The following MDGA2 variants were observed in gnomAD, a reference collection of about 807,000 sequenced individuals.
MDGA2 encodes MAM domain containing glycosylphosphatidylinositol anchor 2.
MDGA2 carries 40 observed loss-of-function variants against 117.8 expected under a neutral mutation model. That is an observed-to-expected ratio of 0.34 (90% CI 0.26 to 0.44). The LOEUF (loss-of-function observed/expected upper bound fraction) is 0.44, where lower values mean the gene tolerates loss of function less well. MDGA2 is among the 20% of genes least tolerant of loss of function. The probability of loss-of-function intolerance (pLI) is 1.00; values close to 1 mark genes in which losing one functional copy is unlikely to be tolerated. For synonymous variants in MDGA2, 452 were observed against 439.0 expected, an observed-to-expected ratio of 1.03 and a Z score of -0.37; for missense variants, 1,123 against 1,250.6, an observed-to-expected ratio of 0.90 and a Z score of 1.54.
intron 14 of MDGA2, among the ~76,000 whole-genome samples, chr14:46,861,877 C>T (rs1881522912): frequency 6.6e-6 from 1 of 151,794 alleles, no homozygotes; most frequent in African/African-American, 2.4e-5. Flanking sequence ...AAACTTATGT[C>T]AAGTCATCTT....
intron 3 of MDGA2, chr14:47,201,041 TG>T: frequency 8.9e-7 from 1 of 1,126,610 alleles, no homozygotes; most frequent in Non-Finnish European, 1.4e-6. Context: ...TTAGCCACAA[TG>T]GCCGCCAGGC....
chr14:47,445,556 C>T (rs1049804160), intron 1 of MDGA2, among the ~76,000 whole-genome samples: 6 of 151,922 alleles, frequency 3.9e-5, no homozygotes, highest in South Asian at 2.1e-4. Context: ...AGTTCATGTT[C>T]GCCAACTTCC....
At chr14:47,584,694 T>C (rs1446512292) in intron 1 of MDGA2, among the ~76,000 whole-genome samples, 3 of 151,854 alleles carry the variant, frequency 2.0e-5, no homozygotes, top group African/African-American at 7.2e-5. Flanking sequence ...TTATGCCATC[T>C]TTGTGAATAT....
At chr14:47,015,806 C>CTG in intron 8 of MDGA2, among the ~76,000 whole-genome samples, 1 of 152,004 alleles carries the variant, frequency 6.6e-6, no homozygotes, top group South Asian at 2.1e-4. Context: ...GAGAAAGATA[C>CTG]TGATAAAATT....
In MDGA2 at chr14:47,098,443, G is replaced by T. The variant is rs189212502; in HGVS notation, c.926-1320C>A. 5.1e-3 allele frequency among the ~76,000 whole-genome samples: 767 copies of T among 151,628 alleles called. 6 individuals carry two copies. The highest frequency in any genetic ancestry group is 7.0e-3 in the Non-Finnish European group (471 of 67,754). ...GTCATACTATTAGCCCTTCTGAGGAGTTAATATGAAATTCTAAATATTTAT... is the reference window on the plus strand; with the variant it reads ...GTCATACTATTAGCCCTTCTGAGGATTTAATATGAAATTCTAAATATTTAT... On this transcript the variant is annotated intron_variant, in intron 5 of 16. Transcript: ENST00000399232.
At chr14:47,212,741 T>A (rs536003790) in intron 3 of MDGA2, among the ~76,000 whole-genome samples, 3 of 152,334 alleles carry the variant, frequency 2.0e-5, no homozygotes, top group East Asian at 1.9e-4. Context: ...ATGCAAGCGA[T>A]CTTTACCGCG....
chr14:47,093,802 A>T (rs1048148113), intron 6 of MDGA2, among the ~76,000 whole-genome samples: 4 of 152,090 alleles, frequency 2.6e-5, no homozygotes, highest in African/African-American at 9.7e-5. Flanking sequence ...TCAGCACTCT[A>T]CACTCTTATG....
At chr14:47,475,052 C>G (rs774504319) in intron 1 of MDGA2, among the ~76,000 whole-genome samples, 8 of 152,094 alleles carry the variant, frequency 5.3e-5, no homozygotes, top group Non-Finnish European at 1.2e-4. Context: ...AGATGACCTA[C>G]AGAATGGGAG....
chr14:47,145,367 A>C (rs1456625542), intron 3 of MDGA2, among the ~76,000 whole-genome samples: 1 of 152,188 alleles, frequency 6.6e-6, no homozygotes, highest in Admixed American at 6.5e-5. Context: ...CTGAGTTCCA[A>C]TAAAACTTTA....
rs181961608 is a variant in MDGA2 at position 47,381,843 on chromosome 14, C to T, written c.281-80293G>A. On this transcript the variant is annotated intron_variant, in intron 1 of 16. Transcript: ENST00000399232. Reference sequence around the variant, plus strand: ...GTCAAGCTACCAATGACTTTCTTCACATAATTGGAAAAAACTACTTTAAAA... The same window carrying T: ...GTCAAGCTACCAATGACTTTCTTCATATAATTGGAAAAAACTACTTTAAAA... Among the ~76,000 whole-genome samples the T allele has an allele frequency of 1.1e-3, 164 of 152,204 alleles. 1 individual carries two copies. Among genetic ancestry groups the T allele is most frequent in the African/African-American group, 3.5e-3 (145 of 41,526 alleles).
At chr14:46,942,278 G>A (rs564185917) in intron 9 of MDGA2, among the ~76,000 whole-genome samples, 1 of 152,240 alleles carries the variant, frequency 6.6e-6, no homozygotes, top group African/African-American at 2.4e-5. Context: ...ACTACAATAT[G>A]CATTAGAAAA....
intron 1 of MDGA2, among the ~76,000 whole-genome samples, chr14:47,452,755 T>C (rs1022676737): frequency 3.9e-5 from 6 of 152,036 alleles, no homozygotes; most frequent in Admixed American, 1.3e-4. Context: ...AATTCTCCAA[T>C]AGAATGTTAA....
intron 8 of MDGA2, among the ~76,000 whole-genome samples, chr14:46,964,845 T>G (rs1885952461): frequency 6.6e-6 from 1 of 151,980 alleles, no homozygotes; most frequent in African/African-American, 2.4e-5. Flanking sequence ...AAGGAGAAAT[T>G]TCCTTTTAAG....
At chr14:47,196,476 A>T (rs1232677900) in intron 3 of MDGA2, among the ~76,000 whole-genome samples, 1 of 152,174 alleles carries the variant, frequency 6.6e-6, no homozygotes, top group Non-Finnish European at 1.5e-5. Context: ...TTTTGCAGTG[A>T]TTTAACACCG....
chr14:47,604,390 C>T (rs1435756278), intron 1 of MDGA2, among the ~76,000 whole-genome samples: 3 of 151,822 alleles, frequency 2.0e-5, no homozygotes, highest in Non-Finnish European at 4.4e-5. Context: ...AATCTTAGCT[C>T]TCTGCAGCCT....
intron 1 of MDGA2, among the ~76,000 whole-genome samples, chr14:47,480,196 T>A (rs1031891664): frequency 7.9e-5 from 12 of 152,096 alleles, no homozygotes; most frequent in African/African-American, 2.9e-4. Flanking sequence ...TAATTCATAA[T>A]CACACAAAAT....
chr14:47,244,047 G>A (rs1206624003), intron 2 of MDGA2, among the ~76,000 whole-genome samples: 3 of 151,622 alleles, frequency 2.0e-5, no homozygotes, highest in African/African-American at 4.8e-5. Context: ...CATTTAGCAG[G>A]CTTGATAATT....
chr14:47,144,359 T>C, intron 3 of MDGA2, 85 bp from the exon 4 acceptor site: 1 of 911,880 alleles, frequency 1.1e-6, no homozygotes, highest in Non-Finnish European at 1.6e-6. Context: ...CAACCAAAAA[T>C]GCATATTCCT....
At chr14:47,169,652 AAGCCT>A in intron 3 of MDGA2, among the ~76,000 whole-genome samples, 1 of 152,180 alleles carries the variant, frequency 6.6e-6, no homozygotes, top group Admixed American at 6.5e-5. Flanking sequence ...GAACAAAAGT[AAGCCT>A]AGCATTAGCT....
Sources: allele counts gnomAD v4.1 joint callset (sites outside exome capture counted in the v4.1 genomes callset), GRCh38; gene constraint gnomAD v4.1.1; transcripts MANE v1.5; gene names NCBI Gene and HGNC (gene_info 2026-07-23, HGNC 2026-07-21).